Variants in ZCCHC4 observed in about 807,000 individuals in gnomAD.
ZCCHC4 encodes the protein zinc finger CCHC-type containing 4, also known as rRNA N(6)-adenosine-methyltransferase ZCCHC4.
A neutral mutation model predicts 67.7 loss-of-function variants in ZCCHC4; 54 were observed. The ratio of observed to expected loss-of-function variants is 0.80; its 90% CI spans 0.64 to 1.00. The LOEUF (loss-of-function observed/expected upper bound fraction) is 1.00, where lower values mean the gene tolerates loss of function less well. Ranked by LOEUF, ZCCHC4 falls within the 50% of genes least tolerant of loss-of-function variation. The probability of loss-of-function intolerance (pLI) is 0.00; values close to 1 mark genes in which losing one functional copy is unlikely to be tolerated. For missense variants in ZCCHC4, 609 were observed against 617.0 expected (o/e 0.99, Z 0.14); for synonymous variants, 198 against 213.5 (o/e 0.93, Z 0.63).
At chr4:25,356,035 C>T (rs1157053007) in intron 8 of ZCCHC4, among the ~76,000 whole-genome samples, 1 of 152,198 alleles carries the variant, frequency 6.6e-6, no homozygotes, top group Admixed American at 6.5e-5. Context: ...TAAATGTTGA[C>T]ATGGACGTCT....
At chr4:25,348,991 A>G (rs1720155944) in intron 6 of ZCCHC4, among the ~76,000 whole-genome samples, 1 of 152,176 alleles carries the variant, frequency 6.6e-6, no homozygotes, top group South Asian at 2.1e-4. Flanking sequence ...TGCATGTTCA[A>G]ATATGTCTGC....
chr4:25,329,014 C>CT (rs1719037035), intron 3 of ZCCHC4, among the ~76,000 whole-genome samples: 1 of 152,072 alleles, frequency 6.6e-6, no homozygotes, highest in East Asian at 2.0e-4. Context: ...TGGCAAAACC[C>CT]TGTCTCTACA....
chr4:25,353,578 G>A (rs1052195028), intron 8 of ZCCHC4, among the ~76,000 whole-genome samples: 1 of 152,200 alleles, frequency 6.6e-6, no homozygotes, highest in African/African-American at 2.4e-5. Context: ...GGCAATGGAT[G>A]GTCATCTAGT....
At position 25,359,125 on chromosome 4, in the gene ZCCHC4, TG is replaced by T. The variant is rs1251938135; in HGVS notation, c.1012-2731del. ...CCCATTGTCAGCTGTGCTGCTTGGA[TG>T]GGCTCCAATGGAAACCTGGGCAGCA... On this transcript the variant is annotated intron_variant, in intron 8 of 12. Transcript: ENST00000302874. The surrounding 1 kb of genome is among the most constrained non-coding windows in gnomAD (Gnocchi z 4.9). Among the ~76,000 whole-genome samples the T allele has an allele frequency of 1.3e-5, 2 of 152,168 alleles. No homozygotes were observed. Among genetic ancestry groups the T allele is most frequent in the African/African-American group, 2.4e-5 (1 of 41,448 alleles).
chr4:25,362,421 A>G (rs1720780608), intron 10 of ZCCHC4, 120 bp downstream of exon 10: 2 of 557,004 alleles, frequency 3.6e-6, no homozygotes, highest in South Asian at 9.5e-5. Flanking sequence ...ATGTATTATC[A>G]TTTATTAATT....
Position 25,313,052 on chromosome 4 carries a change from G to A in ZCCHC4, c.127+116G>A, listed in dbSNP as rs1718041666. 2.1e-6 allele frequency: 3 copies of A among 1,428,956 alleles called. No homozygotes were observed. The South Asian group carries it at 4.0e-5, about 19-fold the overall frequency. The allele number at this position is 1,428,956 out of a possible 1,614,324, so 88.5% of individuals were successfully genotyped here. On this transcript the variant is annotated intron_variant, in intron 1 of 12. Coordinates refer to ENST00000302874, the MANE Select transcript of ZCCHC4 (RefSeq NM_024936.3). Reference sequence around the variant, plus strand: ...CGCCTCTTTCCCTCACCAGTGTGCTGCCTAGAAAATACTCCTTCCTCGGAA... The same window carrying A: ...CGCCTCTTTCCCTCACCAGTGTGCTACCTAGAAAATACTCCTTCCTCGGAA...
intron 5 of ZCCHC4, among the ~76,000 whole-genome samples, chr4:25,338,150 G>A (rs1194358853): frequency 6.6e-6 from 1 of 152,124 alleles, no homozygotes; most frequent in Non-Finnish European, 1.5e-5. Flanking sequence ...GGAATGCAAT[G>A]GTGTGATCTC....
At chr4:25,344,991 C>A (rs1019306474) in intron 5 of ZCCHC4, among the ~76,000 whole-genome samples, 1 of 151,810 alleles carries the variant, frequency 6.6e-6, no homozygotes, top group African/African-American at 2.4e-5. Context: ...TTTGTAGAGG[C>A]AGGATTTTGC....
At chr4:25,322,382 C>G (rs1218487901) in intron 3 of ZCCHC4, among the ~76,000 whole-genome samples, 1 of 152,224 alleles carries the variant, frequency 6.6e-6, no homozygotes, top group Non-Finnish European at 1.5e-5. Context: ...ATTCTACTTT[C>G]TGTCTCTATG....
chr4:25,329,397 T>C (rs1291269713), intron 3 of ZCCHC4, among the ~76,000 whole-genome samples: 1 of 151,890 alleles, frequency 6.6e-6, no homozygotes, highest in African/African-American at 2.4e-5. Context: ...TTTGTATCAT[T>C]CTGAGACCGT....
chr4:25,313,018 A>T (rs1007730701), intron 1 of ZCCHC4, 82 bp downstream of exon 1: 61 of 1,533,716 alleles, frequency 4.0e-5, no homozygotes, highest in East Asian at 1.6e-4. Flanking sequence ...GGGCTCCTGT[A>T]TTTTTACCCG....
chr4:25,314,249 C>T (rs993589555), intron 2 of ZCCHC4, 85 bp downstream of exon 2: 16 of 822,640 alleles, frequency 1.9e-5, no homozygotes, highest in Non-Finnish European at 3.0e-5. Flanking sequence ...TAAAAATATG[C>T]GGTCTGAACA....
chr4:25,313,717 A>T (rs926693691), intron 1 of ZCCHC4, among the ~76,000 whole-genome samples: 1 of 152,008 alleles, frequency 6.6e-6, no homozygotes, highest in Admixed American at 6.6e-5. Flanking sequence ...CTACAAAAAA[A>T]GAAAAACAGC....
intron 7 of ZCCHC4, among the ~76,000 whole-genome samples, chr4:25,350,510 C>T (rs1398936597): frequency 2.0e-5 from 3 of 152,102 alleles, no homozygotes; most frequent in African/African-American, 4.8e-5. Context: ...CTCAAGTGAT[C>T]TGCCTGCCTC....
In ZCCHC4 at chr4:25,314,132, G is replaced by C. The variant is rs144236014; in HGVS notation, c.214G>C (p.Asp72His). The change falls in exon 2 of 13, where the codon GAC becomes CAC. Residue 72 changes from aspartate (D) to histidine (H), a missense_variant. Coordinates refer to ENST00000302874, the MANE Select transcript of ZCCHC4 (RefSeq NM_024936.3). ...CTGTTCAGCCTGTAGAGATAGAAAAGACTGTAATTTTTTTCAGTGGGAAGA... is the reference window on the plus strand; with the variant it reads ...CTGTTCAGCCTGTAGAGATAGAAAACACTGTAATTTTTTTCAGTGGGAAGA... ...YACSACRDRK[D>H]CNFFQWEDEK... 32,613 of 1,605,530 alleles carry C rather than the reference G, an allele frequency of 0.02. 409 individuals are homozygous for C. Among genetic ancestry groups the C allele is most frequent in the Non-Finnish European group, 0.024 (27,898 of 1,177,380 alleles).
At chr4:25,338,612 C>T (rs1342941532) in intron 5 of ZCCHC4, among the ~76,000 whole-genome samples, 1 of 152,064 alleles carries the variant, frequency 6.6e-6, no homozygotes, top group East Asian at 1.9e-4. Flanking sequence ...ATATGCTTTG[C>T]CTATTCTAGA....
chr4:25,316,305 T>A (rs1307323858), intron 3 of ZCCHC4, among the ~76,000 whole-genome samples: 2 of 152,226 alleles, frequency 1.3e-5, no homozygotes, highest in East Asian at 3.8e-4. Flanking sequence ...CAAATATTAG[T>A]TTGAGACCCT....
chr4:25,324,014 G>GTTGGTTTTT lies in ZCCHC4; in HGVS notation c.329+8616_329+8617insGGTTTTTTT, dbSNP rs1553895903. 7.5e-3 allele frequency among the ~76,000 whole-genome samples: 621 copies of GTTGGTTTTT among 82,426 alleles called. 31 individuals carry two copies. Among genetic ancestry groups the GTTGGTTTTT allele is most frequent in the African/African-American group, 0.031 (585 of 19,170 alleles). The allele number at this position is 82,426 out of a possible 152,430, so 54.1% of individuals were successfully genotyped here. On this transcript the variant is annotated intron_variant, in intron 3 of 12. Coordinates refer to ENST00000302874, the MANE Select transcript of ZCCHC4 (RefSeq NM_024936.3). ...TCGTACAGTATGTACTGTTTTTTGT[G>GTTGGTTTTT]TTTTTTTTTTTTTTTTGAGACAGAG... is the stretch of plus-strand genomic sequence containing the variant.
intron 3 of ZCCHC4, among the ~76,000 whole-genome samples, chr4:25,331,559 G>A (rs1577735866): frequency 6.6e-6 from 1 of 152,184 alleles, no homozygotes; most frequent in African/African-American, 2.4e-5. Flanking sequence ...CTCCTGTCGT[G>A]GGCTCCCAAA....
Sources: gnomAD v4.1 joint callset for allele counts (sites outside exome capture counted in the v4.1 genomes callset) on GRCh38, gnomAD v4.1.1 for gene constraint, Gnocchi (gnomAD v3.1) non-coding constraint, MANE v1.5 for transcripts, NCBI Gene and HGNC (gene_info 2026-07-23, HGNC 2026-07-21) for gene names.